The following PLEKHD1 variants were observed in gnomAD, a reference collection of about 807,000 sequenced individuals.
The protein encoded by PLEKHD1 is pleckstrin homology domain-containing family D member 1.
PLEKHD1 carries 51 observed loss-of-function variants against 69.2 expected under a neutral mutation model. That is an observed-to-expected ratio of 0.74 (90% CI 0.59 to 0.93). PLEKHD1 has a LOEUF of 0.93. PLEKHD1 is among the 40% of genes least tolerant of loss of function. The pLI is 0.00. For synonymous variants in PLEKHD1, 236 were observed against 244.7 expected (o/e 0.96, Z 0.33); for missense variants, 584 against 641.0 (o/e 0.91, Z 0.96).
At chr14:69,520,596 G>T (rs1400156728) in intron 6 of PLEKHD1, among the ~76,000 whole-genome samples, 1 of 152,080 alleles carries the variant, frequency 6.6e-6, no homozygotes, top group Non-Finnish European at 1.5e-5. Flanking sequence ...GGGTGTGGTG[G>T]TGAGTGCCTG....
intron 6 of PLEKHD1, among the ~76,000 whole-genome samples, chr14:69,504,828 C>T (rs188649579): frequency 3.7e-4 from 57 of 152,322 alleles, no homozygotes; most frequent in African/African-American, 1.3e-3. Context: ...TCCAGGCTCT[C>T]CTCTAGGTCC....
Position 69,528,622 on chromosome 14 carries a change from C to T in PLEKHD1, c.*203C>T, listed in dbSNP as rs1288827988. 4.3e-6 allele frequency: 3 copies of T among 698,508 alleles called. No individual in the cohort carries two copies. In the African/African-American group the frequency reaches 5.4e-5, roughly 13 times the overall value. 43.3% of individuals were successfully genotyped at this position (698,508 alleles called of 1,614,324 possible). Reference sequence around the variant, plus strand: ...TTCCTCATCCTCACCCCACACCCCACCTTTGGGTCCACACCAGGGCCATGC... The same window carrying T: ...TTCCTCATCCTCACCCCACACCCCATCTTTGGGTCCACACCAGGGCCATGC... On this transcript the variant is annotated 3_prime_UTR_variant, in exon 13 of 13. Transcript: ENST00000322564.
At chr14:69,479,060 A>G in the PLEKHD1 span, among the ~76,000 whole-genome samples, 7 of 152,228 alleles carry the variant, frequency 4.6e-5, no homozygotes, top group South Asian at 1.2e-3. Flanking sequence ...TTACAGTTCC[A>G]TGTGGCTGGG....
chr14:69,484,940 G>A lies in PLEKHD1; in HGVS notation c.-26G>A, dbSNP rs1480200678. ...CTGACCCCGGGGAGGTGGGGTCCGG[G>A]CCGGGCACAGCCCCGCTGAGGCAGG... On this transcript the variant is annotated 5_prime_UTR_variant, in exon 1 of 13. Transcript: ENST00000322564. 11 of 1,546,922 alleles carry A rather than the reference G, an allele frequency of 7.1e-6. No homozygotes were observed. In the South Asian group the frequency reaches 8.4e-5, roughly 12 times the overall value.
chr14:69,469,565 A>C, the PLEKHD1 span, among the ~76,000 whole-genome samples: 1 of 152,100 alleles, frequency 6.6e-6, no homozygotes, highest in African/African-American at 2.4e-5. Context: ...GCACGCCAGC[A>C]TGCCTGGATA....
chr14:69,507,369 C>A lies in PLEKHD1; in HGVS notation c.555+4490C>A, dbSNP rs139893473. On this transcript the variant is annotated intron_variant, in intron 6 of 12. Coordinates refer to ENST00000322564, the MANE Select transcript of PLEKHD1 (RefSeq NM_001161498.2). Reference sequence around the variant, plus strand: ...TTCTTTTCAGTGCTGAATGATATTACCTTATCCGCATGTCCTACAGTTTGT... The same window carrying A: ...TTCTTTTCAGTGCTGAATGATATTAACTTATCCGCATGTCCTACAGTTTGT... Among the ~76,000 whole-genome samples the A allele has an allele frequency of 7.0e-4, 106 of 152,234 alleles. 2 individuals carry two copies. In the East Asian group the frequency reaches 0.017, roughly 24 times the overall value.
At chr14:69,494,132 A>C (rs1304882323) in intron 1 of PLEKHD1, among the ~76,000 whole-genome samples, 1 of 152,204 alleles carries the variant, frequency 6.6e-6, no homozygotes, top group African/African-American at 2.4e-5. Context: ...TTAATCATAA[A>C]AGTAATCATT....
At position 69,485,164 on chromosome 14, in the gene PLEKHD1, C is replaced by T. The variant is rs373067442; in HGVS notation, c.149+50C>T. 33 of 1,526,072 alleles carry T rather than the reference C, an allele frequency of 2.2e-5. No individual in the cohort carries two copies. The South Asian group carries it at 2.2e-4, about 10-fold the overall frequency. The allele number at this position is 1,526,072 out of a possible 1,614,324, so 94.5% of individuals were successfully genotyped here. A position where few individuals can be genotyped will look rare whatever the true frequency, so the allele number is the denominator to read the frequency against. ...GAGACCGCCGGGGAGAGAGCCTGGG[C>T]GTCGTTACCCCTCCCACCCCCTCCA... On this transcript the variant is annotated intron_variant, in intron 1 of 12. Coordinates refer to ENST00000322564, the MANE Select transcript of PLEKHD1 (RefSeq NM_001161498.2).
chr14:69,497,601 A>G (rs539170020), intron 1 of PLEKHD1, among the ~76,000 whole-genome samples: 7 of 152,344 alleles, frequency 4.6e-5, no homozygotes, highest in East Asian at 1.9e-4. Context: ...CACAAACTCC[A>G]TGTGCAGGAC....
rs1028905599 is a variant in PLEKHD1, at chr14:69,484,799, C to G, written c.-167C>G. On this transcript the variant is annotated 5_prime_UTR_variant, in exon 1 of 13. Coordinates refer to ENST00000322564, the MANE Select transcript of PLEKHD1 (RefSeq NM_001161498.2). ...TACGCGCCCTGCGCCCCCTTGGTGC[C>G]GCGTCCAGTGCCCAGCGCGCTTTGA... 1.8e-5 allele frequency: 13 copies of G among 741,476 alleles called. No homozygotes were observed. The African/African-American group carries it at 1.8e-4, about 11-fold the overall frequency. The allele number at this position is 741,476 out of a possible 1,614,324, so 45.9% of individuals were successfully genotyped here.
In PLEKHD1 at chr14:69,522,043, C is replaced by G. The variant is rs72723864; in HGVS notation, c.556-240C>G. Among the ~76,000 whole-genome samples, 578 of 152,296 alleles carry G rather than the reference C, an allele frequency of 3.8e-3. 5 individuals are homozygous for G. The highest frequency in any genetic ancestry group is 6.8e-3 in the South Asian group (33 of 4,830). ...GTAATGTTGGGAGTGTTCCTAAACCCAGTCTTCAGCATGCAAAATGTGTTT... is the reference window on the plus strand; with the variant it reads ...GTAATGTTGGGAGTGTTCCTAAACCGAGTCTTCAGCATGCAAAATGTGTTT... On this transcript the variant is annotated intron_variant, in intron 6 of 12. Coordinates refer to ENST00000322564, the MANE Select transcript of PLEKHD1 (RefSeq NM_001161498.2).
At chr14:69,520,166 C>CAAAAAAA (rs761343645) in intron 6 of PLEKHD1, among the ~76,000 whole-genome samples, 4 of 20,512 alleles carry the variant, frequency 2.0e-4, no homozygotes, top group African/African-American at 3.1e-4. Flanking sequence ...GACTCTGTCT[C>CAAAAAAA]AAAAAAAAAA....
At position 69,530,371 on chromosome 14, in the gene PLEKHD1, C is replaced by A. The variant is rs1883765680; in HGVS notation, c.*1952C>A. 6.6e-6 allele frequency: 1 copy of A among 152,176 alleles called. No individual in the cohort carries two copies. The highest frequency in any genetic ancestry group is 2.4e-5 in the African/African-American group (1 of 41,424). 9.4% of individuals were successfully genotyped at this position (152,176 alleles called of 1,614,324 possible). A position where few individuals can be genotyped will look rare whatever the true frequency, so the allele number is the denominator to read the frequency against. On this transcript the variant is annotated 3_prime_UTR_variant, in exon 13 of 13. Transcript: ENST00000322564. ...ATAAATGCATTTGACAGGGCTGAGC[C>A]TAAATGTAAAACTTTAAACGTGTAT...
chr14:69,527,783 G>C lies in PLEKHD1; in HGVS notation c.1202G>C (p.Arg401Thr). 6.4e-7 allele frequency: 1 copy of C among 1,551,478 alleles called. No individual in the cohort carries two copies. Among genetic ancestry groups the C allele is most frequent in the South Asian group, 1.2e-5 (1 of 84,060 alleles). The stretch of plus-strand genomic sequence containing the variant: ...ACCCTTCCTGGCCCTGCCGCCACAG[G>C]GTTCTTTGAGGAGTGCATCCGGAAT... ...RMRADVSHLKRFFEECIRNAE... is the reference protein window; with the variant it reads ...RMRADVSHLKTFFEECIRNAE... The change falls in exon 12 of 13, where the codon AGG becomes ACG. Residue 401 changes from arginine (R) to threonine (T), a missense_variant and splice_region_variant. By Grantham distance (71) the Arg-to-Thr change is moderately conservative. Coordinates refer to ENST00000322564, the MANE Select transcript of PLEKHD1 (RefSeq NM_001161498.2).
rs752845914 is a variant in PLEKHD1 at position 69,528,683 on chromosome 14, G to A, written c.*264G>A. On this transcript the variant is annotated 3_prime_UTR_variant, in exon 13 of 13. Transcript: ENST00000322564. ...TGGGTGCTGGTTGTCATGGTGAGGT[G>A]AGGACAGGACCTGGTTGTATGTGGA... The A allele has an allele frequency of 1.1e-5, 6 of 527,224 alleles. No homozygotes were observed. The highest frequency in any genetic ancestry group is 2.0e-5 in the Non-Finnish European group (6 of 294,192). 32.7% of individuals were successfully genotyped at this position (527,224 alleles called of 1,614,324 possible). A position where few individuals can be genotyped will look rare whatever the true frequency, so the allele number is the denominator to read the frequency against.
intron 5 of PLEKHD1, 42 bp downstream of exon 5, chr14:69,501,867 G>A (rs1883033739): frequency 2.0e-6 from 3 of 1,480,632 alleles, no homozygotes; most frequent in South Asian, 2.5e-5. Flanking sequence ...CAGCACTTGG[G>A]GACCAGGGGC....
chr14:69,522,173 G>A (rs1467134787), intron 6 of PLEKHD1, 110 bp from the exon 7 acceptor site: 3 of 970,704 alleles, frequency 3.1e-6, no homozygotes, highest in Non-Finnish European at 4.7e-6. Flanking sequence ...TGCAGCACAT[G>A]ACCCAGGCTG....
chr14:69,527,718 G>C (rs1170861728), intron 11 of PLEKHD1, 65 bp from the exon 12 acceptor site: 1 of 1,522,410 alleles, frequency 6.6e-7, no homozygotes, highest in Non-Finnish European at 8.9e-7. Context: ...TCCTTGGGAA[G>C]GGAGGGACTG....
intron 1 of PLEKHD1, among the ~76,000 whole-genome samples, chr14:69,490,394 C>T (rs781248743): frequency 2.0e-5 from 3 of 152,186 alleles, no homozygotes; most frequent in East Asian, 1.9e-4. Context: ...GGAGCTCAGG[C>T]GGTAATGCCA....
Sources: gnomAD v4.1 joint callset for allele counts (sites outside exome capture counted in the v4.1 genomes callset) on GRCh38, gnomAD v4.1.1 for gene constraint, MANE v1.5 for transcripts, NCBI Gene and HGNC (gene_info 2026-07-23, HGNC 2026-07-21) for gene names.